The following ITGA8 variants were observed in gnomAD, a reference collection of about 807,000 sequenced individuals.
ITGA8 encodes integrin alpha-8.
ITGA8 carries 91 observed loss-of-function variants against 142.3 expected under a neutral mutation model. The observed-to-expected ratio is 0.64, with a 90% CI of 0.54 to 0.76. ITGA8 has a LOEUF of 0.76. ITGA8 is among the 30% of genes least tolerant of loss of function. The pLI is 0.00. For synonymous variants in ITGA8, 505 were observed against 485.2 expected (o/e 1.04, Z -0.54); for missense variants, 1,406 against 1,327.7 (o/e 1.06, Z -0.92).
rs1197722190 is a variant in ITGA8, at chr10:15,605,712, A to T, written c.1970+12T>A. 4.4e-6 allele frequency: 7 copies of T among 1,604,900 alleles called. No homozygotes were observed. The highest frequency in any genetic ancestry group is 6.0e-6 in the Non-Finnish European group (7 of 1,171,742). ...TTAGATAGAAAGTACACATTTAGTT[A>T]TTTAAACTTACGGTCTAGCCGACAG... On this transcript the variant is annotated intron_variant, in intron 19 of 29. Transcript: ENST00000378076.
At chr10:15,694,874 G>A (rs1232205387) in intron 2 of ITGA8, among the ~76,000 whole-genome samples, 1 of 151,300 alleles carries the variant, frequency 6.6e-6, no homozygotes, top group Non-Finnish European at 1.5e-5. Context: ...ATTAAACACA[G>A]GGAGAAAGTG....
intron 25 of ITGA8, among the ~76,000 whole-genome samples, chr10:15,568,447 G>A (rs1202531920): frequency 6.6e-6 from 1 of 152,194 alleles, no homozygotes; most frequent in Non-Finnish European, 1.5e-5. Flanking sequence ...AAACTTTGGG[G>A]ACATTAGGGT....
Position 15,592,248 on chromosome 10 carries a change from A to G in ITGA8, c.2268T>C (p.Ile756=), listed in dbSNP as rs751842626. 6.2e-7 allele frequency: 1 copy of G among 1,613,640 alleles called. No individual in the cohort carries two copies. The highest frequency in any genetic ancestry group is 1.7e-5 in the Admixed American group (1 of 60,014). ...VPRLEKTNMS[I]NFDLQIRSSN... is the part of the protein sequence containing the mutation. The stretch of plus-strand genomic sequence containing the variant: ...ACCTTCTGATTTGGAGATCGAAGTT[A>G]ATGCTCATGTTTGTTTTCTCAAGAC... The change falls in exon 22 of 30, where the codon ATT becomes ATC. Residue 756 remains isoleucine, a synonymous_variant. Coordinates refer to ENST00000378076, the MANE Select transcript of ITGA8 (RefSeq NM_003638.3).
At chr10:15,573,357 G>T (rs1379743727) in intron 24 of ITGA8, among the ~76,000 whole-genome samples, 1 of 151,838 alleles carries the variant, frequency 6.6e-6, no homozygotes, top group South Asian at 2.1e-4. Context: ...AAACTTTAAA[G>T]TTTCACCATT....
chr10:15,705,182 A>G (rs996107932), intron 2 of ITGA8, among the ~76,000 whole-genome samples: 1 of 152,170 alleles, frequency 6.6e-6, no homozygotes, highest in Admixed American at 6.5e-5. Context: ...TAGGCTGAAC[A>G]AAGGCAAAAG....
At chr10:15,713,451 C>T (rs771391308) in intron 2 of ITGA8, among the ~76,000 whole-genome samples, 28 of 152,176 alleles carry the variant, frequency 1.8e-4, no homozygotes, top group Non-Finnish European at 3.4e-4. Flanking sequence ...TCCAAGTGAA[C>T]GTATTAGAGC....
chr10:15,576,956 G>A lies in ITGA8; in HGVS notation c.2373-1362C>T, dbSNP rs146108277. ...TTATATTGGTTTGTCATTATGCTATGTTCCCTTTTCTGACTTGGTTTGATT... is the reference window on the plus strand; with the variant it reads ...TTATATTGGTTTGTCATTATGCTATATTCCCTTTTCTGACTTGGTTTGATT... On this transcript the variant is annotated intron_variant, in intron 23 of 29. Transcript: ENST00000378076. 4.6e-5 allele frequency among the ~76,000 whole-genome samples: 7 copies of A among 152,252 alleles called. No homozygotes were observed. The East Asian group carries it at 1.4e-3, about 29-fold the overall frequency.
chr10:15,526,169 C>T (rs916552283), intron 28 of ITGA8, among the ~76,000 whole-genome samples: 1 of 150,930 alleles, frequency 6.6e-6, no homozygotes, highest in Non-Finnish European at 1.5e-5. Context: ...CCAAATCTTT[C>T]ATTATAAGAT....
intron 13 of ITGA8, among the ~76,000 whole-genome samples, chr10:15,641,930 C>T (rs968394028): frequency 6.6e-6 from 1 of 152,082 alleles, no homozygotes; most frequent in Non-Finnish European, 1.5e-5. Flanking sequence ...GAGATTGAGA[C>T]CATCTTGGCC....
At chr10:15,606,975 A>T (rs1418726039) in intron 17 of ITGA8, among the ~76,000 whole-genome samples, 1 of 152,178 alleles carries the variant, frequency 6.6e-6, no homozygotes, top group Non-Finnish European at 1.5e-5. Flanking sequence ...AACAGCAAGC[A>T]CTAAACACAC....
At chr10:15,552,015 ACCC>A (rs1314355344) in intron 26 of ITGA8, among the ~76,000 whole-genome samples, 13 of 152,124 alleles carry the variant, frequency 8.5e-5, no homozygotes. Context: ...AAAAAAATGG[ACCC>A]TGCAACGCAA....
chr10:15,517,327 TA>T, intron 29 of ITGA8, 83 bp from the exon 30 acceptor site: 1 of 950,088 alleles, frequency 1.1e-6, no homozygotes, highest in East Asian at 2.6e-5. Flanking sequence ...TCACTTTATG[TA>T]TTTTTTTTTT....
intron 8 of ITGA8, among the ~76,000 whole-genome samples, chr10:15,665,731 A>T (rs1475248988): frequency 6.6e-6 from 1 of 152,366 alleles, no homozygotes; most frequent in East Asian, 1.9e-4. Flanking sequence ...AGCTTTCTAC[A>T]TATGGCTAGC....
At chr10:15,560,432 T>C (rs773666282) in intron 25 of ITGA8, among the ~76,000 whole-genome samples, 45 of 152,256 alleles carry the variant, frequency 3.0e-4, no homozygotes, top group Non-Finnish European at 5.6e-4. Flanking sequence ...TAAATCCTTC[T>C]GTTGTTCTTA....
intron 23 of ITGA8, among the ~76,000 whole-genome samples, chr10:15,577,103 T>C (rs1472965284): frequency 1.3e-5 from 2 of 152,164 alleles, no homozygotes; most frequent in Non-Finnish European, 2.9e-5. Flanking sequence ...GAGAGTTGAG[T>C]TCGTGTTCAC....
At chr10:15,610,595 A>C (rs554330924) in intron 15 of ITGA8, among the ~76,000 whole-genome samples, 3 of 152,362 alleles carry the variant, frequency 2.0e-5, no homozygotes, top group African/African-American at 7.2e-5. Flanking sequence ...GCCAGAAGGC[A>C]GGGTGATACA....
chr10:15,641,929 A>G (rs1833879128), intron 13 of ITGA8, among the ~76,000 whole-genome samples: 3 of 152,226 alleles, frequency 2.0e-5, no homozygotes, highest in South Asian at 2.1e-4. Context: ...AGAGATTGAG[A>G]CCATCTTGGC....
Position 15,548,069 on chromosome 10 carries a change from AT to A in ITGA8, c.2880+385del, listed in dbSNP as rs561958399. Among the ~76,000 whole-genome samples the A allele has an allele frequency of 3.7e-4, 56 of 151,796 alleles. No homozygotes were observed. In the East Asian group the frequency reaches 4.1e-3, roughly 11 times the overall value. On this transcript the variant is annotated intron_variant, in intron 27 of 29. Coordinates refer to ENST00000378076, the MANE Select transcript of ITGA8 (RefSeq NM_003638.3). ...TTTTACATTGAAAAATGTAAAAAAA[AT>A]TTTTTTAAGTTTAAAATTCAAGTTT...
chr10:15,688,836 A>G (rs1834881093), intron 2 of ITGA8, among the ~76,000 whole-genome samples: 1 of 152,224 alleles, frequency 6.6e-6, no homozygotes, highest in African/African-American at 2.4e-5. Context: ...TTAGTTATAG[A>G]GGGAATGTAC....
Sources: gnomAD v4.1 joint callset for allele counts (sites outside exome capture counted in the v4.1 genomes callset) on GRCh38, gnomAD v4.1.1 for gene constraint, MANE v1.5 for transcripts, NCBI Gene and HGNC (gene_info 2026-07-23, HGNC 2026-07-21) for gene names.